Variants in RNF6 observed in about 807,000 individuals in gnomAD.
The protein encoded by RNF6 is E3 ubiquitin-protein ligase RNF6.
RNF6 carries 21 observed loss-of-function variants against 50.1 expected under a neutral mutation model. The observed-to-expected ratio is 0.42, with a 90% CI of 0.30 to 0.60. The LOEUF is 0.60. Ranked by LOEUF, RNF6 falls within the 20% of genes least tolerant of loss-of-function variation. The pLI, the probability that RNF6 is intolerant of heterozygous loss-of-function variation, is 0.20. For missense variants in RNF6, 698 were observed against 838.2 expected, an observed-to-expected ratio of 0.83 and a Z score of 2.07; for synonymous variants, 255 against 291.8, an observed-to-expected ratio of 0.87 and a Z score of 1.29.
chr13:26,170,091 T>C (rs1000586299), intron 5 of RNF6, among the ~76,000 whole-genome samples: 1 of 152,204 alleles, frequency 6.6e-6, no homozygotes, highest in Admixed American at 6.5e-5. Context: ...ATTTGCCCTG[T>C]ATGCCCTCAA....
intron 5 of RNF6, among the ~76,000 whole-genome samples, chr13:26,168,628 T>A (rs116385432): frequency 1.6e-3 from 239 of 152,358 alleles, no homozygotes; most frequent in African/African-American, 5.6e-3. Context: ...CATAGCCAGC[T>A]CATCCTCTCC....
At chr13:26,183,122 A>G (rs960046822) in intron 5 of RNF6, among the ~76,000 whole-genome samples, 5 of 152,216 alleles carry the variant, frequency 3.3e-5, no homozygotes, top group Admixed American at 3.3e-4. Flanking sequence ...ACACTGAACT[A>G]TTCAAGTCAA....
chr13:26,186,128 C>T (rs1434577127), intron 5 of RNF6, among the ~76,000 whole-genome samples: 4 of 152,318 alleles, frequency 2.6e-5, no homozygotes, highest in Non-Finnish European at 1.5e-5. Flanking sequence ...TTCACCAAGG[C>T]GCCCATGTCA....
chr13:26,168,172 C>T (rs1243685935), intron 5 of RNF6, among the ~76,000 whole-genome samples: 1 of 152,144 alleles, frequency 6.6e-6, no homozygotes, highest in African/African-American at 2.4e-5. Context: ...ATGTAACAAA[C>T]CTGCACATGT....
downstream of RNF6, among the ~76,000 whole-genome samples, chr13:26,211,406 C>A (rs1187798254): frequency 6.6e-6 from 1 of 152,130 alleles, no homozygotes; most frequent in Non-Finnish European, 1.5e-5. Context: ...CTTTGTCCTC[C>A]TAATTTTCCT....
intron 5 of RNF6, among the ~76,000 whole-genome samples, chr13:26,141,734 G>A (rs1206729324): frequency 6.6e-6 from 1 of 151,780 alleles, no homozygotes; most frequent in Non-Finnish European, 1.5e-5. Flanking sequence ...ATTAATTGAA[G>A]GTAGATTAAA....
intron 5 of RNF6, among the ~76,000 whole-genome samples, chr13:26,142,634 T>C (rs934908964): frequency 1.3e-5 from 2 of 150,508 alleles, no homozygotes; most frequent in East Asian, 3.9e-4. Context: ...GAAAACCTAA[T>C]ATCACATGTT....
rs943391730 is a variant in RNF6 at position 26,172,088 on chromosome 13, T to A, written n.769-39637A>T. ...TTTTATGTAATGTCTTTTACCACAA[T>A]AAGATATATAACTGATATTATAACA... On this transcript the variant is annotated intron_variant and non_coding_transcript_variant, in intron 5 of 5. Coordinates refer to the RNF6 transcript ENST00000468480. Among the ~76,000 whole-genome samples the A allele has an allele frequency of 1.8e-4, 27 of 152,316 alleles. 1 individual carries two copies. Among genetic ancestry groups the A allele is most frequent in the Admixed American group, 1.4e-3 (21 of 15,310 alleles).
intron 5 of RNF6, among the ~76,000 whole-genome samples, chr13:26,184,018 ATTTTTTTTTTTTT>A (rs1169961717): frequency 9.7e-4 from 33 of 33,936 alleles, no homozygotes; most frequent in East Asian, 1.7e-3. Flanking sequence ...ATATATATAT[ATTTTTTTTTTTTT>A]TTTTTTTTTT....
chr13:26,214,961 G>C lies in RNF6; in HGVS notation c.921C>G (p.Ser307=), dbSNP rs779127281. 3.1e-6 allele frequency: 5 copies of C among 1,614,166 alleles called. No individual in the cohort carries two copies. The Admixed American group carries it at 8.3e-5, about 27-fold the overall frequency. ...RLEPIRLRST[S]NSRSRSPIQR... is the part of the protein sequence containing the mutation. Reference sequence around the variant, plus strand: ...GAATTGGTGAACGGCTTCGACTATTGGAAGTAGATCGTAATCTTATTGGCT... The same window carrying C: ...GAATTGGTGAACGGCTTCGACTATTCGAAGTAGATCGTAATCTTATTGGCT... The change falls in exon 5 of 5, where the codon TCC becomes TCG. Residue 307 remains serine, a synonymous_variant. Coordinates refer to ENST00000381588, the MANE Select transcript of RNF6 (RefSeq NM_005977.4).
chr13:26,198,136 A>G (rs1321670616), intron 5 of RNF6, among the ~76,000 whole-genome samples: 1 of 151,466 alleles, frequency 6.6e-6, no homozygotes, highest in Non-Finnish European at 1.5e-5. Context: ...GTGTATATAT[A>G]TATATATACA....
At chr13:26,206,779 G>A (rs1446441785) in intron 5 of RNF6, among the ~76,000 whole-genome samples, 1 of 152,038 alleles carries the variant, frequency 6.6e-6, no homozygotes, top group Non-Finnish European at 1.5e-5. Flanking sequence ...CTATGTACCA[G>A]GTATCATGCT....
intron 5 of RNF6, among the ~76,000 whole-genome samples, chr13:26,190,149 C>T (rs58323298): frequency 0.023 from 3,564 of 152,236 alleles, 127 homozygotes; most frequent in East Asian, 0.16. Flanking sequence ...CCTCTTCCTC[C>T]GTCTTCAAAG....
At chr13:26,181,716 G>A (rs1466446594) in intron 5 of RNF6, among the ~76,000 whole-genome samples, 1 of 152,224 alleles carries the variant, frequency 6.6e-6, no homozygotes, top group African/African-American at 2.4e-5. Context: ...AGTGGTTAGA[G>A]TGATGCAGAT....
chr13:26,137,204 G>T (rs1870690182), intron 5 of RNF6, among the ~76,000 whole-genome samples: 1 of 152,110 alleles, frequency 6.6e-6, no homozygotes, highest in Non-Finnish European at 1.5e-5. Context: ...TGATGCAGGA[G>T]GGTGAAATTT....
chr13:26,138,463 A>G (rs1870762958), intron 5 of RNF6, among the ~76,000 whole-genome samples: 1 of 152,064 alleles, frequency 6.6e-6, no homozygotes, highest in Non-Finnish European at 1.5e-5. Context: ...AAAGACAGTT[A>G]TATATATTTT....
At chr13:26,199,884 G>A (rs1868828387) in intron 5 of RNF6, among the ~76,000 whole-genome samples, 1 of 152,100 alleles carries the variant, frequency 6.6e-6, no homozygotes, top group Non-Finnish European at 1.5e-5. Context: ...TTAGGAAGTG[G>A]GGCCTTTGGG....
At chr13:26,134,533 T>C (rs1226752962) in intron 5 of RNF6, among the ~76,000 whole-genome samples, 1 of 152,186 alleles carries the variant, frequency 6.6e-6, no homozygotes, top group East Asian at 1.9e-4. Context: ...TCTTTCTGGG[T>C]TTCTGGCTTC....
intron 5 of RNF6, among the ~76,000 whole-genome samples, chr13:26,178,100 A>T (rs2137650926): frequency 6.6e-6 from 1 of 152,276 alleles, no homozygotes; most frequent in East Asian, 1.9e-4. Flanking sequence ...GAGGTGGGAG[A>T]ATCGCTTGAA....
Sources: allele counts gnomAD v4.1 joint callset (sites outside exome capture counted in the v4.1 genomes callset), GRCh38; gene constraint gnomAD v4.1.1; transcripts MANE v1.5; gene names NCBI Gene and HGNC (gene_info 2026-07-23, HGNC 2026-07-21).